WWTR1: variants seen among roughly 807,000 people sequenced by gnomAD.
WWTR1 encodes WW domain-containing transcription regulator protein 1.
A neutral mutation model predicts 40.1 loss-of-function variants in WWTR1; 13 were observed. The observed-to-expected ratio is 0.32, with a 90% CI of 0.21 to 0.52. The LOEUF (loss-of-function observed/expected upper bound fraction) is 0.52, where lower values mean the gene tolerates loss of function less well. Among genes scored for constraint, WWTR1 ranks in the 20% least tolerant of loss-of-function variants. The pLI, the probability that WWTR1 is intolerant of heterozygous loss-of-function variation, is 0.97. For missense variants in WWTR1, 436 were observed against 523.1 expected (o/e 0.83, Z 1.63); for synonymous variants, 230 against 210.1 (o/e 1.09, Z -0.82).
At chr3:149,530,270 T>G (rs9289793) in intron 4 of WWTR1, among the ~76,000 whole-genome samples, 130,176 of 151,590 alleles carry the variant, frequency 0.86, 56,184 homozygotes, top group East Asian at 1. Flanking sequence ...TCACTTGAAT[T>G]TGGGGAGGCG....
At chr3:149,554,575 A>G (rs926898688) in intron 3 of WWTR1, among the ~76,000 whole-genome samples, 7 of 152,142 alleles carry the variant, frequency 4.6e-5, no homozygotes, top group African/African-American at 1.4e-4. Context: ...CATTACCCCA[A>G]ATGTATATTT....
chr3:149,638,349 A>C (rs972868432), intron 2 of WWTR1, among the ~76,000 whole-genome samples: 1 of 152,214 alleles, frequency 6.6e-6, no homozygotes, highest in African/African-American at 2.4e-5. Flanking sequence ...TTCCAAAAAA[A>C]ATCACTGCTG....
At chr3:149,543,580 C>CAAAAAAAAAAAAAAAAACAAAAA (rs1736227957) in intron 3 of WWTR1, among the ~76,000 whole-genome samples, 1 of 31,226 alleles carries the variant, frequency 3.2e-5, no homozygotes, top group Non-Finnish European at 5.7e-5. Context: ...GACTCTGTCT[C>CAAAAAAAAAAAAAAAAACAAAAA]AAAAAAAAAA....
chr3:149,691,027 T>C (rs1714808070), intron 1 of WWTR1, among the ~76,000 whole-genome samples: 1 of 152,116 alleles, frequency 6.6e-6, no homozygotes, highest in Non-Finnish European at 1.5e-5. Flanking sequence ...GAAACAACTT[T>C]AAAGATTTCT....
rs543480820 is a variant in WWTR1 at position 149,517,319 on chromosome 3, T to C, written c.*3486A>G. 17 of 152,338 alleles carry C rather than the reference T, an allele frequency of 1.1e-4. No individual in the cohort carries two copies. The Middle Eastern group carries it at 0.01, about 91-fold the overall frequency. The allele number at this position is 152,338 out of a possible 1,614,324, so 9.4% of individuals were successfully genotyped here. ...AAACTCCAGGTAAAATGGTTTGATC[T>C]GATCGATTTGGCTGCATACTTTCGG... On this transcript the variant is annotated 3_prime_UTR_variant, in exon 7 of 7. Coordinates refer to ENST00000360632, the MANE Select transcript of WWTR1 (RefSeq NM_015472.6).
intron 4 of WWTR1, chr3:149,723,975 T>C (rs940421916): frequency 5.9e-5 from 9 of 152,220 alleles, no homozygotes; most frequent in African/African-American, 2.2e-4. Context: ...GGTGGTTAGC[T>C]GCTACTGTGA....
intron 2 of WWTR1, among the ~76,000 whole-genome samples, chr3:149,613,854 G>C (rs1739849776): frequency 6.6e-6 from 1 of 151,786 alleles, no homozygotes; most frequent in East Asian, 1.9e-4. Flanking sequence ...CTGGGCTTTT[G>C]TTATTTTTCA....
At chr3:149,672,290 AG>A (rs1363177504) in intron 1 of WWTR1, among the ~76,000 whole-genome samples, 3 of 152,204 alleles carry the variant, frequency 2.0e-5, no homozygotes, top group Admixed American at 6.5e-5. Flanking sequence ...AGCTGGTAGA[AG>A]GAGAAAAAGC....
chr3:149,674,261 TTCTCTATC>T (rs1559837482), intron 1 of WWTR1, among the ~76,000 whole-genome samples: 1 of 141,494 alleles, frequency 7.1e-6, no homozygotes, highest in Non-Finnish European at 1.5e-5. Context: ...CTGTCTGTCT[TTCTCTATC>T]TCTTTCTCTC....
chr3:149,684,410 T>C (rs1158075896), intron 1 of WWTR1, among the ~76,000 whole-genome samples: 1 of 152,134 alleles, frequency 6.6e-6, no homozygotes, highest in Non-Finnish European at 1.5e-5. Context: ...TCTTTATAAA[T>C]ACCATTTCAA....
intron 2 of WWTR1, among the ~76,000 whole-genome samples, chr3:149,644,804 C>CG (rs1712391964): frequency 1.3e-5 from 2 of 152,100 alleles, no homozygotes; most frequent in Non-Finnish European, 2.9e-5. Flanking sequence ...CTTGGGGTTG[C>CG]AGGGTGGTGG....
In WWTR1 at chr3:149,533,069, C is replaced by T. The variant is rs912338513; in HGVS notation, c.772-5100G>A. ...ACAAACGCTAAGCTGGCTTGTCACT[C>T]ATTTCCCACTGTGCTCCAGTTAAAC... On this transcript the variant is annotated intron_variant, in intron 4 of 6. Transcript: ENST00000360632. 7.9e-5 allele frequency among the ~76,000 whole-genome samples: 12 copies of T among 152,350 alleles called. 1 individual carries two copies. Among genetic ancestry groups the T allele is most frequent in the Admixed American group, 5.2e-4 (8 of 15,312 alleles).
At chr3:149,526,155 T>G (rs1326077862) in intron 5 of WWTR1, 30 bp from the exon 6 acceptor site, 1 of 1,497,156 alleles carries the variant, frequency 6.7e-7, no homozygotes, top group Non-Finnish European at 9.1e-7. Context: ...GAAACTTCAA[T>G]ATGAGCCCAC....
chr3:149,705,514 T>G (rs1715309003), upstream of WWTR1, among the ~76,000 whole-genome samples: 1 of 152,176 alleles, frequency 6.6e-6, no homozygotes, highest in Admixed American at 6.5e-5. Context: ...AGTGAAACAG[T>G]AGGTAGAACT....
chr3:149,693,407 A>G (rs1714885280), intron 1 of WWTR1, among the ~76,000 whole-genome samples: 1 of 152,224 alleles, frequency 6.6e-6, no homozygotes, highest in African/African-American at 2.4e-5. Context: ...TACACTACGC[A>G]AAGCAATCTA....
In WWTR1 at chr3:149,656,983, C is replaced by T. The variant is rs778949810; in HGVS notation, c.324G>A (p.Gln108=). The part of the protein sequence containing the change: ...TGAGAAGSPA[Q]QHAHLRQQSY... ...ACTGCTGGCGGAGGTGCGCGTGCTG[C>T]TGCGCGGGGCTACCCGCAGCACCCG... is the stretch of plus-strand genomic sequence containing the variant. The change falls in exon 2 of 7, where the codon CAG becomes CAA. Residue 108 remains glutamine (Q), a synonymous_variant. Transcript: ENST00000360632. 1 of 1,598,628 alleles carries T rather than the reference C, an allele frequency of 6.3e-7. No homozygotes were observed. Among genetic ancestry groups the T allele is most frequent in the Non-Finnish European group, 8.5e-7 (1 of 1,176,690 alleles).
chr3:149,640,565 C>T (rs1023194055), intron 2 of WWTR1, among the ~76,000 whole-genome samples: 3 of 152,080 alleles, frequency 2.0e-5, no homozygotes, highest in African/African-American at 7.2e-5. Context: ...GGATAACAAG[C>T]ATGTGCCACC....
intron 1 of WWTR1, among the ~76,000 whole-genome samples, chr3:149,672,137 A>G (rs1714107065): frequency 6.6e-6 from 1 of 151,952 alleles, no homozygotes; most frequent in Non-Finnish European, 1.5e-5. Context: ...AAAACAAAAA[A>G]CAAACAAACA....
Position 149,714,222 on chromosome 3 carries a change from C to T in WWTR1, n.584+3220G>A, listed in dbSNP as rs113447785. ...CGGGTGCGGCTGCAGCCACCCAAGA[C>T]ACCGCTGTGGACATGGACCCCTGCC... On this transcript the variant is annotated intron_variant and non_coding_transcript_variant, in intron 5 of 6. Coordinates refer to the WWTR1 transcript ENST00000474080. 9.9e-3 allele frequency among the ~76,000 whole-genome samples: 1,513 copies of T among 152,288 alleles called. 10 individuals are homozygous for T. The highest frequency in any genetic ancestry group is 0.016 in the Non-Finnish European group (1,062 of 68,010).
Sources: allele counts gnomAD v4.1 joint callset (sites outside exome capture counted in the v4.1 genomes callset), GRCh38; gene constraint gnomAD v4.1.1; transcripts MANE v1.5; gene names NCBI Gene and HGNC (gene_info 2026-07-23, HGNC 2026-07-21).